Variants in LMO4 observed in about 807,000 individuals in gnomAD.
LMO4 encodes LIM domain transcription factor LMO4.
Under a neutral mutation model 18.5 loss-of-function variants are expected in LMO4, and 3 were observed. The ratio of observed to expected loss-of-function variants is 0.16; its 90% confidence interval spans 0.07 to 0.42. The LOEUF (loss-of-function observed/expected upper bound fraction) is 0.42, where lower values mean the gene tolerates loss of function less well. LMO4 is among the 10% of genes least tolerant of loss of function. The pLI is 0.99. For missense variants in LMO4, 121 were observed against 219.9 expected (o/e 0.55, Z 2.84); for synonymous variants, 100 against 88.1 (o/e 1.14, Z -0.76).
At chr1:87,333,932 C>T (rs984923014) in intron 2 of LMO4, among the ~76,000 whole-genome samples, 2 of 148,734 alleles carry the variant, frequency 1.3e-5, no homozygotes, top group African/African-American at 5.0e-5. Context: ...ATCTCTTCTC[C>T]GAGTGCCTTC....
At position 87,344,795 on chromosome 1, in the gene LMO4, A is replaced by G. The variant is rs765685702; in HGVS notation, c.497A>G (p.Ter166=). ...CGTTTTTATTTCTTGCAGGTCTGCT[A>G]AAAGGTCAGAGTAATGCAGAATGCG... is the stretch of plus-strand genomic sequence containing the variant. ...NPLLPDQKVC[*] The change falls in exon 5 of 5, where the codon TAA becomes TGA. Residue 166 remains the stop codon, a stop_retained_variant. Transcript: ENST00000370544. The G allele has an allele frequency of 4.2e-5, 67 of 1,613,846 alleles. No homozygotes were observed. The highest frequency in any genetic ancestry group is 3.8e-4 in the Admixed American group (23 of 59,976).
In LMO4 at chr1:87,339,650, CT is replaced by C. The variant is rs149816766; in HGVS notation, c.333+28del. 5,710 of 1,344,202 alleles carry C rather than the reference CT, an allele frequency of 4.2e-3. No individual in the cohort carries two copies. The highest frequency in any genetic ancestry group is 4.6e-3 in the Non-Finnish European group (4,458 of 976,854). The allele number at this position is 1,344,202 out of a possible 1,614,324, so 83.3% of individuals were successfully genotyped here. A position where few individuals can be genotyped will look rare whatever the true frequency, so the allele number is the denominator to read the frequency against. On this transcript the variant is annotated intron_variant, in intron 3 of 4. Transcript: ENST00000370544. ...ATCTTAAGGTAGTATTTGCATCTCTCTTTTTTTTTTAAAAAAAAAATCATAC... is the reference window on the plus strand; with the variant it reads ...ATCTTAAGGTAGTATTTGCATCTCTCTTTTTTTTTAAAAAAAAAATCATAC...
At chr1:87,338,599 C>T (rs74098397) in intron 2 of LMO4, among the ~76,000 whole-genome samples, 8,533 of 152,204 alleles carry the variant, frequency 0.056, 782 homozygotes, top group African/African-American at 0.19. Context: ...GTTGTGCTTG[C>T]AGAAGGATGT....
chr1:87,330,464 G>A (rs916251606), intron 1 of LMO4, among the ~76,000 whole-genome samples: 2 of 152,194 alleles, frequency 1.3e-5, no homozygotes, highest in African/African-American at 4.8e-5. Context: ...ATGCTAATGG[G>A]TTTTAGAGTG....
rs1650616443 is a variant in LMO4 at position 87,345,991 on chromosome 1, GT to G, written c.*1198del. On this transcript the variant is annotated 3_prime_UTR_variant, in exon 5 of 5. Coordinates refer to ENST00000370544, the MANE Select transcript of LMO4 (RefSeq NM_006769.4). Reference sequence around the variant, plus strand: ...CACAACCATCCTGTTCTCTTATTGAGTTTATAGCTTTTGAAGGAAGTCACAA... The same window carrying G: ...CACAACCATCCTGTTCTCTTATTGAGTTATAGCTTTTGAAGGAAGTCACAA... The G allele has an allele frequency of 6.6e-6, 1 of 152,100 alleles. No individual in the cohort carries two copies. Among genetic ancestry groups the G allele is most frequent in the South Asian group, 2.1e-4 (1 of 4,824 alleles). The allele number at this position is 152,100 out of a possible 1,614,324, so 9.4% of individuals were successfully genotyped here. A position where few individuals can be genotyped will look rare whatever the true frequency, so the allele number is the denominator to read the frequency against.
In LMO4 at chr1:87,348,748, T is replaced by G. The variant is rs541540416; in HGVS notation, c.*3952T>G. On this transcript the variant is annotated 3_prime_UTR_variant, in exon 5 of 5. Transcript: ENST00000370544. ...AAGAAGTGCTTTATGCTAGTAGATATGTGCATGTTTCCTAGAGGGAATGTT... is the reference window on the plus strand; with the variant it reads ...AAGAAGTGCTTTATGCTAGTAGATAGGTGCATGTTTCCTAGAGGGAATGTT... 2 of 516,774 alleles carry G rather than the reference T, an allele frequency of 3.9e-6. No homozygotes were observed. The highest frequency in any genetic ancestry group is 3.8e-5 in the African/African-American group (2 of 51,952). 32.0% of individuals were successfully genotyped at this position (516,774 alleles called of 1,614,324 possible).
intron 2 of LMO4, 82 bp downstream of exon 2, chr1:87,332,333 T>A: frequency 9.2e-7 from 1 of 1,081,544 alleles, no homozygotes; most frequent in East Asian, 2.5e-5. Flanking sequence ...AGGAAAGGAG[T>A]AGGCGTCTAC....
At chr1:87,331,778 A>T in intron 1 of LMO4, 1 of 550,694 alleles carries the variant, frequency 1.8e-6, no homozygotes, top group South Asian at 2.6e-5. Context: ...AGGAAAGTTG[A>T]GAGGAGCTCG....
At position 87,348,242 on chromosome 1, in the gene LMO4, C is replaced by T. The variant is rs1207317772; in HGVS notation, c.*3446C>T. On this transcript the variant is annotated 3_prime_UTR_variant, in exon 5 of 5. Coordinates refer to ENST00000370544, the MANE Select transcript of LMO4 (RefSeq NM_006769.4). ...ATTTAAATTGAGGAGATCCAAAAAC[C>T]CCATCACCCTTCACCCCAAAGACCC... 1 of 157,704 alleles carries T rather than the reference C, an allele frequency of 6.3e-6. No individual in the cohort carries two copies. The highest frequency in any genetic ancestry group is 1.4e-5 in the Non-Finnish European group (1 of 71,074). 9.8% of individuals were successfully genotyped at this position (157,704 alleles called of 1,614,324 possible). A position where few individuals can be genotyped will look rare whatever the true frequency, so the allele number is the denominator to read the frequency against.
chr1:87,335,374 C>T (rs943566589), intron 2 of LMO4, among the ~76,000 whole-genome samples: 3 of 151,998 alleles, frequency 2.0e-5, no homozygotes, highest in Admixed American at 6.5e-5. Flanking sequence ...GGCTGGCCCT[C>T]GCTCCCTAGG....
chr1:87,334,311 C>T (rs1384841352), intron 2 of LMO4, among the ~76,000 whole-genome samples: 1 of 152,138 alleles, frequency 6.6e-6, no homozygotes, highest in Admixed American at 6.5e-5. Context: ...AAATTGATGG[C>T]CTCACACTTA....
intron 2 of LMO4, among the ~76,000 whole-genome samples, chr1:87,336,056 C>T (rs1178088298): frequency 8.7e-5 from 10 of 115,392 alleles, no homozygotes; most frequent in African/African-American, 4.4e-5. Context: ...GCACAGCCCC[C>T]CTCTTAAGTA....
chr1:87,333,623 C>T (rs1402808534), intron 2 of LMO4, among the ~76,000 whole-genome samples: 3 of 152,130 alleles, frequency 2.0e-5, no homozygotes, highest in African/African-American at 7.2e-5. Flanking sequence ...ATAATGCAAC[C>T]TGTGTCGATT....
At chr1:87,338,766 A>G (rs1323362802) in intron 2 of LMO4, among the ~76,000 whole-genome samples, 1 of 152,180 alleles carries the variant, frequency 6.6e-6, no homozygotes, top group Non-Finnish European at 1.5e-5. Context: ...AAACACCCAG[A>G]GAGATATGAT....
At chr1:87,331,639 AGGGGAGGAGGGGGCAGTGGGCGGAGGC>A (rs1171820624) in intron 1 of LMO4, 8 of 199,400 alleles carry the variant, frequency 4.0e-5, no homozygotes, top group African/African-American at 8.3e-5. Context: ...GCGGCGGAGG[AGGGGAGGAGGGGGCAGTGGGCGGAGGC>A]GGGGGCTGGG....
rs1650696586 is a variant in LMO4 at position 87,348,506 on chromosome 1, A to G, written c.*3710A>G. ...GCCATTTTAGATTGGCAGTGCTCTG[A>G]ACGCATGTTAAACAGCCAGCTACTC... On this transcript the variant is annotated 3_prime_UTR_variant, in exon 5 of 5. Coordinates refer to ENST00000370544, the MANE Select transcript of LMO4 (RefSeq NM_006769.4). 3 of 353,684 alleles carry G rather than the reference A, an allele frequency of 8.5e-6. No homozygotes were observed. In the Admixed American group the frequency reaches 1.1e-4, roughly 13 times the overall value. 21.9% of individuals were successfully genotyped at this position (353,684 alleles called of 1,614,324 possible).
intron 4 of LMO4, among the ~76,000 whole-genome samples, chr1:87,342,483 A>G (rs1232176649): frequency 6.6e-6 from 1 of 152,178 alleles, no homozygotes; most frequent in Non-Finnish European, 1.5e-5. Flanking sequence ...ATTTTAGGCA[A>G]TGAATAAGAA....
intron 1 of LMO4, among the ~76,000 whole-genome samples, chr1:87,330,029 C>G (rs1212892869): frequency 3.0e-5 from 4 of 134,948 alleles, no homozygotes; most frequent in African/African-American, 8.4e-5. Flanking sequence ...TTTTCCAACT[C>G]TAAATGAAAC....
Position 87,340,070 on chromosome 1 carries a change from G to C in LMO4, c.357G>C (p.Arg119=). The change falls in exon 4 of 5, where the codon CGG becomes CGC. Residue 119 remains arginine, a synonymous_variant. Coordinates refer to ENST00000370544, the MANE Select transcript of LMO4 (RefSeq NM_006769.4). ...AGTGTTTTACATGCTCTACCTGCCG[G>C]AATCGCCTGGTCCCGGGAGATCGGT... ...HLKCFTCSTC[R]NRLVPGDRFH... 1 of 1,613,932 alleles carries C rather than the reference G, an allele frequency of 6.2e-7. No individual in the cohort carries two copies. Among genetic ancestry groups the C allele is most frequent in the African/African-American group, 1.3e-5 (1 of 75,014 alleles).
Sources: gnomAD v4.1 joint callset for allele counts (sites outside exome capture counted in the v4.1 genomes callset) on GRCh38, gnomAD v4.1.1 for gene constraint, MANE v1.5 for transcripts, NCBI Gene and HGNC (gene_info 2026-07-23, HGNC 2026-07-21) for gene names.